RCAN2: variants seen among roughly 807,000 people sequenced by gnomAD.
The protein encoded by RCAN2 is regulator of calcineurin 2, also known as calcipressin-2.
A neutral mutation model predicts 23.6 loss-of-function variants in RCAN2; 9 were observed. That is an observed-to-expected ratio of 0.38 (90% CI 0.23 to 0.67). The LOEUF is 0.67. Among genes scored for constraint, RCAN2 ranks in the 30% least tolerant of loss-of-function variants. The pLI, the probability that RCAN2 is intolerant of heterozygous loss-of-function variation, is 0.51. For missense variants in RCAN2, 273 were observed against 302.3 expected, an observed-to-expected ratio of 0.90 and a Z score of 0.72; for synonymous variants, 109 against 115.7, an observed-to-expected ratio of 0.94 and a Z score of 0.37.
At chr6:46,345,475 C>T (rs1302847160) in intron 2 of RCAN2, among the ~76,000 whole-genome samples, 1 of 152,088 alleles carries the variant, frequency 6.6e-6, no homozygotes, top group Non-Finnish European at 1.5e-5. Context: ...GTATACAGAA[C>T]ATTTGCCATG....
At position 46,296,107 on chromosome 6, in the gene RCAN2, G is replaced by C. The variant is rs985197867; in HGVS notation, c.226-47211C>G. ...TGTGTGTGTGTGTGTGTGTGTGTCTGTGTGTGTGTGCTGTCTTTGGCCTGC... is the reference window on the plus strand; with the variant it reads ...TGTGTGTGTGTGTGTGTGTGTGTCTCTGTGTGTGTGCTGTCTTTGGCCTGC... On this transcript the variant is annotated intron_variant, in intron 2 of 4. Coordinates refer to ENST00000371374, the MANE Select transcript of RCAN2 (RefSeq NM_001251974.2). Among the ~76,000 whole-genome samples the C allele has an allele frequency of 2.2e-5, 3 of 135,332 alleles. No individual in the cohort carries two copies. In the East Asian group the frequency reaches 6.4e-4, roughly 29 times the overall value. 88.8% of individuals were successfully genotyped at this position (135,332 alleles called of 152,430 possible). A position where few individuals can be genotyped will look rare whatever the true frequency, so the allele number is the denominator to read the frequency against.
intron 4 of RCAN2, among the ~76,000 whole-genome samples, chr6:46,228,042 C>A (rs1477330305): frequency 6.6e-6 from 1 of 152,200 alleles, no homozygotes; most frequent in African/African-American, 2.4e-5. Context: ...ACCCAGTAAT[C>A]ATTCAGGAGC....
intron 2 of RCAN2, among the ~76,000 whole-genome samples, chr6:46,341,520 C>T (rs770608180): frequency 5.9e-5 from 9 of 152,134 alleles, no homozygotes; most frequent in Admixed American, 1.3e-4. Context: ...AGGCACTGGC[C>T]GGGGGCGGTG....
At chr6:46,243,834 C>CAAAAAAAAA (rs1161436269) in intron 4 of RCAN2, among the ~76,000 whole-genome samples, 4 of 61,528 alleles carry the variant, frequency 6.5e-5, no homozygotes, top group East Asian at 4.6e-4. Context: ...AAAAAAAAAC[C>CAAAAAAAAA]AAGAAATAAT....
At chr6:46,306,319 A>G (rs535929934) in intron 2 of RCAN2, among the ~76,000 whole-genome samples, 8 of 152,154 alleles carry the variant, frequency 5.3e-5, no homozygotes, top group Non-Finnish European at 1.2e-4. Context: ...TAACTGTGTT[A>G]TGATGAAGAA....
At chr6:46,232,673 G>T (rs1461689353) in intron 4 of RCAN2, among the ~76,000 whole-genome samples, 1 of 150,948 alleles carries the variant, frequency 6.6e-6, no homozygotes, top group African/African-American at 2.4e-5. Context: ...CATGCCTGAA[G>T]TCCCAGCTAC....
intron 2 of RCAN2, among the ~76,000 whole-genome samples, chr6:46,374,707 C>A (rs1342288782): frequency 6.6e-6 from 1 of 152,148 alleles, no homozygotes; most frequent in Non-Finnish European, 1.5e-5. Flanking sequence ...ATTCATCAAG[C>A]CTGCCTCTGT....
rs192975777 is a variant in RCAN2 at position 46,459,378 on chromosome 6, A to T, written c.-2-2400T>A. ...GTTTCAATTATTATTTTTCCAAAAAAAATCTAAAATCCATTGCCGAACAAA... is the reference window on the plus strand; with the variant it reads ...GTTTCAATTATTATTTTTCCAAAAATAATCTAAAATCCATTGCCGAACAAA... On this transcript the variant is annotated intron_variant, in intron 1 of 4. Coordinates refer to ENST00000371374, the MANE Select transcript of RCAN2 (RefSeq NM_001251974.2). 3.7e-3 allele frequency among the ~76,000 whole-genome samples: 566 copies of T among 152,346 alleles called. 1 individual carries two copies. The highest frequency in any genetic ancestry group is 5.8e-3 in the Non-Finnish European group (392 of 68,026).
In RCAN2 at chr6:46,480,318, G is replaced by T. The variant is rs115980615; in HGVS notation, c.-3+10855C>A. Among the ~76,000 whole-genome samples, 1,338 of 152,334 alleles carry T rather than the reference G, an allele frequency of 8.8e-3. 9 individuals are homozygous for T. Among genetic ancestry groups the T allele is most frequent in the Admixed American group, 0.016 (238 of 15,306 alleles). On this transcript the variant is annotated intron_variant, in intron 1 of 4. Transcript: ENST00000371374. ...TATGTGATAACATGTGGGGTCTTTAGCCAGTGCTTGGTGCTTAATAGGTCC... is the reference window on the plus strand; with the variant it reads ...TATGTGATAACATGTGGGGTCTTTATCCAGTGCTTGGTGCTTAATAGGTCC...
intron 2 of RCAN2, among the ~76,000 whole-genome samples, chr6:46,404,792 A>C (rs1230348639): frequency 6.6e-6 from 1 of 152,210 alleles, no homozygotes; most frequent in Non-Finnish European, 1.5e-5. Context: ...CAGATTTCTT[A>C]ACACATTGCT....
At position 46,456,826 on chromosome 6, in the gene RCAN2, C is replaced by A. The variant is rs1768047553; in HGVS notation, c.151G>T (p.Asp51Tyr). 5 of 1,550,758 alleles carry A rather than the reference C, an allele frequency of 3.2e-6. No individual in the cohort carries two copies. The highest frequency in any genetic ancestry group is 4.4e-6 in the Non-Finnish European group (5 of 1,147,034). Residue 51 changes from aspartate (D) to tyrosine (Y), a missense_variant, in exon 2 of 5, where the codon GAC (aspartate) becomes TAC (tyrosine). Transcript: ENST00000371374. ...AACGAGTTGGGGAGGTCATTGAAGTCAGTGATTGCTTGAAAGGCTTCTTCT... is the reference window on the plus strand; with the variant it reads ...AACGAGTTGGGGAGGTCATTGAAGTAAGTGATTGCTTGAAAGGCTTCTTCT... ...FAEEAFQAITDFNDLPNSLFA... is the reference protein window; with the variant it reads ...FAEEAFQAITYFNDLPNSLFA...
rs1762882996 is a variant in RCAN2, at chr6:46,300,827, A to T, written c.226-51931T>A. Among the ~76,000 whole-genome samples, 4 of 152,174 alleles carry T rather than the reference A, an allele frequency of 2.6e-5. No individual in the cohort carries two copies. The South Asian group carries it at 8.3e-4, about 32-fold the overall frequency. ...AAGATTTCATTTAGCTAGAAGAAGA[A>T]ACTAAAATGAGGTCTTATTTTCAGA... On this transcript the variant is annotated intron_variant, in intron 2 of 4. Coordinates refer to ENST00000371374, the MANE Select transcript of RCAN2 (RefSeq NM_001251974.2).
chr6:46,222,899 A>T lies in RCAN2; in HGVS notation c.*242T>A, dbSNP rs199559249. ...AAGATATAGGCTGTGCTGATTGTTTAATAAGAAAATACTACTTTTTTCCCT... is the reference window on the plus strand; with the variant it reads ...AAGATATAGGCTGTGCTGATTGTTTTATAAGAAAATACTACTTTTTTCCCT... On this transcript the variant is annotated 3_prime_UTR_variant, in exon 5 of 5. Coordinates refer to ENST00000371374, the MANE Select transcript of RCAN2 (RefSeq NM_001251974.2). The T allele has an allele frequency of 2.1e-6, 1 of 480,980 alleles. No individual in the cohort carries two copies. The allele number at this position is 480,980 out of a possible 1,614,324, so 29.8% of individuals were successfully genotyped here.
intron 1 of RCAN2, among the ~76,000 whole-genome samples, chr6:46,471,528 T>C (rs1768558226): frequency 1.3e-5 from 2 of 152,248 alleles, no homozygotes; most frequent in African/African-American, 2.4e-5. Flanking sequence ...AAAACTGCCA[T>C]TTACTAAGGT....
At chr6:46,306,159 G>C (rs1212946842) in intron 2 of RCAN2, among the ~76,000 whole-genome samples, 1 of 152,084 alleles carries the variant, frequency 6.6e-6, no homozygotes, top group African/African-American at 2.4e-5. Context: ...TGGCAGTGTG[G>C]CATCTAAGGG....
intron 2 of RCAN2, among the ~76,000 whole-genome samples, chr6:46,364,685 C>A (rs1462837438): frequency 6.6e-6 from 1 of 152,190 alleles, no homozygotes; most frequent in Non-Finnish European, 1.5e-5. Context: ...CTGGAGGATG[C>A]TGACTGTTGG....
chr6:46,419,288 T>C (rs143841234), intron 2 of RCAN2, among the ~76,000 whole-genome samples: 1 of 152,190 alleles, frequency 6.6e-6, no homozygotes, highest in Non-Finnish European at 1.5e-5. Context: ...TACCACTAGA[T>C]AAGGCCCAAC....
intron 2 of RCAN2, among the ~76,000 whole-genome samples, chr6:46,275,760 C>T (rs1024640360): frequency 1.3e-5 from 2 of 152,178 alleles, no homozygotes; most frequent in Non-Finnish European, 2.9e-5. Context: ...GTTAATTTCT[C>T]ATGCTCTATC....
chr6:46,402,623 C>T (rs1001447043), intron 2 of RCAN2, among the ~76,000 whole-genome samples: 1 of 152,186 alleles, frequency 6.6e-6, no homozygotes, highest in South Asian at 2.1e-4. Flanking sequence ...GCCGCACACC[C>T]AGAAGGAAGG....
Sources: gnomAD v4.1 joint callset for allele counts (sites outside exome capture counted in the v4.1 genomes callset) on GRCh38, gnomAD v4.1.1 for gene constraint, MANE v1.5 for transcripts, NCBI Gene and HGNC (gene_info 2026-07-23, HGNC 2026-07-21) for gene names.